The following SMARCA2 variants were observed in gnomAD, a reference collection of about 807,000 sequenced individuals.
The protein encoded by SMARCA2 is SWI/SNF-related matrix-associated actin-dependent regulator of chromatin subfamily A member 2.
Under a neutral mutation model 199.8 loss-of-function variants are expected in SMARCA2, and 61 were observed. The observed-to-expected ratio is 0.31, with a 90% CI of 0.25 to 0.38. The LOEUF is 0.38. Ranked by LOEUF, SMARCA2 falls within the 10% of genes least tolerant of loss-of-function variation. SMARCA2 has a pLI of 1.00. For missense variants in SMARCA2, 1,344 were observed against 2,012.2 expected (o/e 0.67, Z 6.35); for synonymous variants, 935 against 732.0 (o/e 1.28, Z -4.48).
chr9:2,150,069 C>A (rs753416798), intron 27 of SMARCA2, among the ~76,000 whole-genome samples: 1 of 151,384 alleles, frequency 6.6e-6, no homozygotes, highest in Non-Finnish European at 1.5e-5. Flanking sequence ...TGAGTACATG[C>A]GTCTGTATCT....
At chr9:2,037,369 A>T (rs1819379913) in intron 3 of SMARCA2, among the ~76,000 whole-genome samples, 1 of 152,134 alleles carries the variant, frequency 6.6e-6, no homozygotes, top group African/African-American at 2.4e-5. Flanking sequence ...GTGCTTCCTC[A>T]CGGAGTAGGG....
intron 27 of SMARCA2, among the ~76,000 whole-genome samples, chr9:2,142,465 T>C (rs1309848775): frequency 1.3e-5 from 2 of 152,202 alleles, no homozygotes; most frequent in African/African-American, 4.8e-5. Context: ...TCTCTCCTGA[T>C]TTCTCAGAAG....
At chr9:2,179,329 C>G (rs963969905) in intron 29 of SMARCA2, among the ~76,000 whole-genome samples, 3 of 152,192 alleles carry the variant, frequency 2.0e-5, no homozygotes, top group African/African-American at 7.2e-5. Flanking sequence ...CCCAAGAAGT[C>G]TTCCATAGAT....
At chr9:2,111,491 C>CAAAAAAAAA (rs148112929) in intron 24 of SMARCA2, among the ~76,000 whole-genome samples, 1 of 86,978 alleles carries the variant, frequency 1.1e-5, no homozygotes, top group African/African-American at 3.6e-5. Flanking sequence ...GACCGTGTCT[C>CAAAAAAAAA]AAAAAAAAAA....
intron 19 of SMARCA2, among the ~76,000 whole-genome samples, chr9:2,091,487 G>C (rs932982528): frequency 1.3e-5 from 2 of 152,152 alleles, no homozygotes; most frequent in African/African-American, 4.8e-5. Context: ...CCATTACATG[G>C]ATGCAGCGCA....
intron 28 of SMARCA2, among the ~76,000 whole-genome samples, chr9:2,164,978 A>T (rs1375922546): frequency 1.3e-5 from 2 of 152,170 alleles, no homozygotes; most frequent in Non-Finnish European, 2.9e-5. Flanking sequence ...TTAACTTGGT[A>T]CTCAAGTAGG....
At chr9:2,144,317 G>T (rs900431298) in intron 27 of SMARCA2, among the ~76,000 whole-genome samples, 1 of 152,108 alleles carries the variant, frequency 6.6e-6, no homozygotes, top group Non-Finnish European at 1.5e-5. Flanking sequence ...TACTGTGACT[G>T]TTAAACTTTC....
chr9:2,094,291 G>A (rs953069877), intron 19 of SMARCA2, among the ~76,000 whole-genome samples: 1 of 152,160 alleles, frequency 6.6e-6, no homozygotes, highest in Non-Finnish European at 1.5e-5. Context: ...GCAGCCATCA[G>A]GTCCTTGAGA....
chr9:2,084,372 G>C (rs1359751346), intron 17 of SMARCA2, among the ~76,000 whole-genome samples, 176 bp downstream of exon 17: 2 of 50,796 alleles, frequency 3.9e-5, no homozygotes, highest in Non-Finnish European at 7.6e-5. Flanking sequence ...CATGCATGCT[G>C]TGTGTGTGTG....
chr9:2,048,075 G>T (rs1253532767), intron 5 of SMARCA2: 1 of 152,132 alleles, frequency 6.6e-6, no homozygotes, highest in Non-Finnish European at 1.5e-5. Flanking sequence ...GGGCCATACC[G>T]TCTCTGTCAC....
In SMARCA2 at chr9:2,161,526, TTTC is replaced by T. The variant is rs1825673861; in HGVS notation, c.3982-153_3982-151del. Among the ~76,000 whole-genome samples, 1 of 152,240 alleles carries T rather than the reference TTTC, an allele frequency of 6.6e-6. No homozygotes were observed. Among genetic ancestry groups the T allele is most frequent in the South Asian group, 2.1e-4 (1 of 4,830 alleles). On this transcript the variant is annotated intron_variant, in intron 27 of 33. Coordinates refer to ENST00000349721, the MANE Select transcript of SMARCA2 (RefSeq NM_003070.5). The surrounding 1 kb of genome is among the most constrained non-coding windows in gnomAD (Gnocchi z 4.7). ...TTATCCAATATGGTAGCATTCCTTT[TTTC>T]TTCTTCCTCCACTGATTACTGTTAA...
At chr9:2,025,494 A>G (rs1398560530) in intron 1 of SMARCA2, among the ~76,000 whole-genome samples, 1 of 152,170 alleles carries the variant, frequency 6.6e-6, no homozygotes, top group Non-Finnish European at 1.5e-5. Context: ...CAGACCTACC[A>G]CTGCCCTGTG....
At chr9:2,087,650 GTCTTC>G (rs1477181324) in intron 18 of SMARCA2, among the ~76,000 whole-genome samples, 1 of 151,440 alleles carries the variant, frequency 6.6e-6, no homozygotes, top group African/African-American at 2.4e-5. Context: ...TCCTTCCACT[GTCTTC>G]TCTTAAGAGC....
In SMARCA2 at chr9:2,116,004, G is replaced by A; in HGVS notation, c.3639G>A (p.Arg1213=). ...ACCAAAAGTCTTCAAGCCACGAGCG[G>A]AGGGCATTCCTGCAGGCCATCTTGG... is the stretch of plus-strand genomic sequence containing the variant. ...MFDQKSSSHE[R]RAFLQAILEH... Residue 1213 remains arginine, a synonymous_variant, in exon 25 of 34, where the codon CGG becomes CGA. Coordinates refer to ENST00000349721, the MANE Select transcript of SMARCA2 (RefSeq NM_003070.5). 6.2e-7 allele frequency: 1 copy of A among 1,614,192 alleles called. No individual in the cohort carries two copies. Among genetic ancestry groups the A allele is most frequent in the Non-Finnish European group, 8.5e-7 (1 of 1,180,010 alleles).
chr9:2,120,625 A>C (rs1414271884), intron 26 of SMARCA2, among the ~76,000 whole-genome samples: 1 of 152,126 alleles, frequency 6.6e-6, no homozygotes, highest in Non-Finnish European at 1.5e-5. Context: ...GGAGAGGCTT[A>C]TGTTATTTTG....
intron 29 of SMARCA2, among the ~76,000 whole-genome samples, chr9:2,172,089 G>T (rs1206462093): frequency 6.6e-6 from 1 of 152,172 alleles, no homozygotes; most frequent in Non-Finnish European, 1.5e-5. Flanking sequence ...CTTGCTGTCT[G>T]TCACACACAC....
intron 9 of SMARCA2, among the ~76,000 whole-genome samples, chr9:2,066,389 A>G (rs1476923263): frequency 6.6e-6 from 1 of 152,106 alleles, no homozygotes; most frequent in Non-Finnish European, 1.5e-5. Flanking sequence ...CCTGTTGTTG[A>G]TTACTTTTTA....
chr9:2,118,110 A>G (rs1002044752), intron 25 of SMARCA2, among the ~76,000 whole-genome samples: 1 of 152,184 alleles, frequency 6.6e-6, no homozygotes, highest in East Asian at 1.9e-4. Flanking sequence ...CTCATGGTCC[A>G]GGTGATGAGA....
At position 2,054,473 on chromosome 9, in the gene SMARCA2, A is replaced by G. The variant is rs1010159454; in HGVS notation, c.1047-124A>G. On this transcript the variant is annotated intron_variant, in intron 5 of 33. Coordinates refer to ENST00000349721, the MANE Select transcript of SMARCA2 (RefSeq NM_003070.5). ...AATTCTAGTTGGGTGTTAGAGATCA[A>G]CTATCAGTATCTGGAATATGTTTTG... 2.8e-5 allele frequency: 33 copies of G among 1,164,944 alleles called. No homozygotes were observed. In the Admixed American group the frequency reaches 6.8e-4, roughly 24 times the overall value. 72.2% of individuals were successfully genotyped at this position (1,164,944 alleles called of 1,614,324 possible). A position where few individuals can be genotyped will look rare whatever the true frequency, so the allele number is the denominator to read the frequency against.
Sources: gnomAD v4.1 joint callset for allele counts (sites outside exome capture counted in the v4.1 genomes callset) on GRCh38, gnomAD v4.1.1 for gene constraint, Gnocchi (gnomAD v3.1) non-coding constraint, MANE v1.5 for transcripts, NCBI Gene and HGNC (gene_info 2026-07-23, HGNC 2026-07-21) for gene names.